Variants in KLF7 observed in about 807,000 individuals in gnomAD.
KLF7 encodes the protein KLF transcription factor 7.
In KLF7, 2 loss-of-function variants were observed where a neutral mutation model predicts 27.3. The ratio of observed to expected loss-of-function variants is 0.07; its 90% CI spans 0.03 to 0.23. The LOEUF is 0.23. Among genes scored for constraint, KLF7 ranks in the 10% least tolerant of loss-of-function variants. The pLI is 1.00. For missense variants in KLF7, 221 were observed against 394.1 expected (o/e 0.56, Z 3.72); for synonymous variants, 165 against 162.4 (o/e 1.02, Z -0.12).
intron 1 of KLF7, among the ~76,000 whole-genome samples, chr2:207,161,913 C>G (rs777854666): frequency 5.3e-5 from 8 of 152,008 alleles, no homozygotes; most frequent in Non-Finnish European, 7.4e-5. Flanking sequence ...TGAAACTGAC[C>G]CCATCTGCCA....
chr2:207,144,943 G>C (rs948370987), intron 1 of KLF7, among the ~76,000 whole-genome samples: 1 of 152,080 alleles, frequency 6.6e-6, no homozygotes, highest in African/African-American at 2.4e-5. Context: ...TCCCAGAAAG[G>C]TTTTTTTCCC....
intron 2 of KLF7, among the ~76,000 whole-genome samples, chr2:207,102,213 C>T (rs1453908548): frequency 6.6e-6 from 1 of 151,836 alleles, no homozygotes; most frequent in Non-Finnish European, 1.5e-5. Context: ...TTGACACCCA[C>T]ATATGTAGAA....
intron 1 of KLF7, among the ~76,000 whole-genome samples, chr2:207,144,764 C>G (rs1473293363): frequency 6.6e-6 from 1 of 152,200 alleles, no homozygotes; most frequent in Non-Finnish European, 1.5e-5. Context: ...GTCCCCAAAT[C>G]CTTCCTCCAG....
intron 2 of KLF7, among the ~76,000 whole-genome samples, chr2:207,120,512 A>T (rs2077309395): frequency 6.6e-6 from 1 of 152,212 alleles, no homozygotes; most frequent in Non-Finnish European, 1.5e-5. Context: ...ACAAAATGCA[A>T]ATACTTCTCT....
intron 2 of KLF7, among the ~76,000 whole-genome samples, chr2:207,097,546 G>A (rs2076661848): frequency 6.6e-6 from 1 of 152,174 alleles, no homozygotes; most frequent in Admixed American, 6.5e-5. Flanking sequence ...GCCCCGTGGA[G>A]CACAGCCATG....
At chr2:207,126,833 G>A (rs1355133953) in intron 1 of KLF7, among the ~76,000 whole-genome samples, 1 of 150,658 alleles carries the variant, frequency 6.6e-6, no homozygotes, top group Non-Finnish European at 1.5e-5. Flanking sequence ...AAAATCAGCT[G>A]ACTCATGGGG....
chr2:207,097,362 G>C (rs2076655985), intron 2 of KLF7, among the ~76,000 whole-genome samples: 1 of 152,148 alleles, frequency 6.6e-6, no homozygotes, highest in Admixed American at 6.5e-5. Flanking sequence ...TGAATAAAAA[G>C]TGTTATTAAC....
intron 1 of KLF7, among the ~76,000 whole-genome samples, chr2:207,140,912 A>G (rs2077923282): frequency 2.0e-5 from 3 of 152,166 alleles, no homozygotes; most frequent in African/African-American, 7.2e-5. Flanking sequence ...GACTTTTTGT[A>G]AGTATGTAAA....
rs536768195 is a variant in KLF7, at chr2:207,111,538, T to C, written c.733+12236A>G. Among the ~76,000 whole-genome samples the C allele has an allele frequency of 2.6e-5, 4 of 152,286 alleles. No homozygotes were observed. In the South Asian group the frequency reaches 8.3e-4, roughly 32 times the overall value. Reference sequence around the variant, plus strand: ...AGCCATCAGATTCGTCCTTTCCAATTCTGTCAACCGGTTTGCTTGATGTCA... The same window carrying C: ...AGCCATCAGATTCGTCCTTTCCAATCCTGTCAACCGGTTTGCTTGATGTCA... On this transcript the variant is annotated intron_variant, in intron 2 of 3. Transcript: ENST00000309446.
chr2:207,156,261 T>A (rs941708124), intron 1 of KLF7, among the ~76,000 whole-genome samples: 1 of 152,198 alleles, frequency 6.6e-6, no homozygotes, highest in Admixed American at 6.5e-5. Context: ...CCCACAGTCA[T>A]TACCACAGGA....
chr2:207,118,882 G>C (rs550606645), intron 2 of KLF7, among the ~76,000 whole-genome samples: 64 of 152,202 alleles, frequency 4.2e-4, no homozygotes, highest in African/African-American at 1.5e-3. Context: ...TGCTACACTG[G>C]TCTTTTTGTT....
intron 2 of KLF7, among the ~76,000 whole-genome samples, chr2:207,115,730 C>T (rs1343299482): frequency 6.7e-6 from 1 of 150,106 alleles, no homozygotes; most frequent in Non-Finnish European, 1.5e-5. Context: ...GTTCCCAACA[C>T]TCCCCCATCA....
chr2:207,159,776 G>A (rs1404421324), intron 1 of KLF7, among the ~76,000 whole-genome samples: 1 of 152,160 alleles, frequency 6.6e-6, no homozygotes, highest in Non-Finnish European at 1.5e-5. Flanking sequence ...CAAACGCTCA[G>A]CTGTAACATT....
chr2:207,163,653 T>C (rs2078613567), intron 1 of KLF7, among the ~76,000 whole-genome samples: 1 of 152,198 alleles, frequency 6.6e-6, no homozygotes, highest in East Asian at 1.9e-4. Flanking sequence ...GGGAACGTTC[T>C]AACAAATAAA....
At chr2:207,116,175 C>G (rs540346526) in intron 2 of KLF7, among the ~76,000 whole-genome samples, 6 of 152,216 alleles carry the variant, frequency 3.9e-5, no homozygotes, top group Non-Finnish European at 7.3e-5. Context: ...CTGACACATT[C>G]TGCCCCTGGT....
At chr2:207,157,563 T>C (rs1461965456) in intron 1 of KLF7, among the ~76,000 whole-genome samples, 1 of 152,214 alleles carries the variant, frequency 6.6e-6, no homozygotes, top group East Asian at 1.9e-4. Flanking sequence ...TGGAACACCC[T>C]GACTCTTGGA....
chr2:207,172,951 T>C, the KLF7 span, among the ~76,000 whole-genome samples: 1 of 151,932 alleles, frequency 6.6e-6, no homozygotes, highest in Non-Finnish European at 1.5e-5. Flanking sequence ...AGTGGGGGAC[T>C]AATTTATAAG....
intron 1 of KLF7, among the ~76,000 whole-genome samples, chr2:207,131,212 G>A (rs982292872): frequency 1.3e-5 from 2 of 152,188 alleles, no homozygotes; most frequent in Non-Finnish European, 2.9e-5. Context: ...GGCGAGGAAG[G>A]GACAGACTTT....
intron 1 of KLF7, among the ~76,000 whole-genome samples, chr2:207,139,605 A>AT (rs1042214485): frequency 6.6e-6 from 1 of 152,134 alleles, no homozygotes; most frequent in African/African-American, 2.4e-5. Context: ...CCTGATGAAG[A>AT]TTTTGGATCT....
Sources: gnomAD v4.1 joint callset for allele counts (sites outside exome capture counted in the v4.1 genomes callset) on GRCh38, gnomAD v4.1.1 for gene constraint, MANE v1.5 for transcripts, NCBI Gene and HGNC (gene_info 2026-07-23, HGNC 2026-07-21) for gene names.